ARID4B: variants seen among roughly 807,000 people sequenced by gnomAD.
The protein encoded by ARID4B is AT-rich interactive domain-containing protein 4B.
In ARID4B, 26 loss-of-function variants were observed where a neutral mutation model predicts 147.5. The observed-to-expected ratio is 0.18, with a 90% CI of 0.13 to 0.24. ARID4B has a LOEUF of 0.24. Among genes scored for constraint, ARID4B ranks in the 10% least tolerant of loss-of-function variants. The probability of loss-of-function intolerance (pLI) is 1.00; values close to 1 mark genes in which losing one functional copy is unlikely to be tolerated. For missense variants in ARID4B, 1,179 were observed against 1,511.5 expected (o/e 0.78, Z 3.65); for synonymous variants, 512 against 507.9 (o/e 1.01, Z -0.11).
At position 235,326,957 on chromosome 1, in the gene ARID4B, G is replaced by C; in HGVS notation, c.-38C>G. 6.2e-7 allele frequency: 1 copy of C among 1,612,262 alleles called. No individual in the cohort carries two copies. The highest frequency in any genetic ancestry group is 8.5e-7 in the Non-Finnish European group (1 of 1,178,516). ...ACCAAGGTATCCTCTAAAACACCAG[G>C]TTCAGCTGCACCTGGAGGGGAAACA... On this transcript the variant is annotated 5_prime_UTR_variant, in exon 2 of 24. Transcript: ENST00000264183.
chr1:235,257,885 G>T (rs989617403), intron 3 of ARID4B, among the ~76,000 whole-genome samples: 7 of 152,062 alleles, frequency 4.6e-5, no homozygotes, highest in Non-Finnish European at 7.4e-5. Flanking sequence ...AGGCTATTAG[G>T]TATTATATCA....
intron 2 of ARID4B, among the ~76,000 whole-genome samples, chr1:235,289,170 A>C (rs547369441): frequency 1.3e-5 from 2 of 152,376 alleles, no homozygotes; most frequent in East Asian, 3.9e-4. Context: ...AGCTAAATTC[A>C]AAGTGACATA....
intron 2 of ARID4B, among the ~76,000 whole-genome samples, chr1:235,291,214 T>C (rs906910621): frequency 2.6e-5 from 4 of 151,644 alleles, no homozygotes; most frequent in African/African-American, 9.7e-5. Context: ...GGCTAACACG[T>C]TGAAACCCCG....
At chr1:235,273,934 T>C (rs2103153718) in intron 2 of ARID4B, among the ~76,000 whole-genome samples, 1 of 152,208 alleles carries the variant, frequency 6.6e-6, no homozygotes, top group East Asian at 1.9e-4. Flanking sequence ...TACTGTGAAC[T>C]CCATCTCCGT....
intron 2 of ARID4B, among the ~76,000 whole-genome samples, chr1:235,320,579 T>A (rs1674750958): frequency 6.6e-6 from 1 of 152,306 alleles, no homozygotes; most frequent in East Asian, 1.9e-4. Context: ...AAAATGTTTA[T>A]CACATCACTT....
rs761878888 is a variant in ARID4B, at chr1:235,220,539, T to C, written c.1170A>G (p.Leu390=). ...YNVKCAYKKY[L]YGFEEYCRSA... Reference sequence around the variant, plus strand: ...ATCTACAGTACTCCTCAAAACCATATAAGTATCTGGAAACATGAAGAGAAA... The same window carrying C: ...ATCTACAGTACTCCTCAAAACCATACAAGTATCTGGAAACATGAAGAGAAA... The change falls in exon 15 of 24, where the codon TTA becomes TTG. Residue 390 remains leucine (L), a synonymous_variant. Coordinates refer to ENST00000264183, the MANE Select transcript of ARID4B (RefSeq NM_016374.6). 1.1e-5 allele frequency: 18 copies of C among 1,569,472 alleles called. No individual in the cohort carries two copies. Among genetic ancestry groups the C allele is most frequent in the Admixed American group, 1.9e-5 (1 of 51,478 alleles).
intron 17 of ARID4B, among the ~76,000 whole-genome samples, chr1:235,209,816 G>A (rs1344519848): frequency 6.6e-6 from 1 of 151,916 alleles, no homozygotes; most frequent in Non-Finnish European, 1.5e-5. Context: ...TGCCCGCCTC[G>A]GCCTCCCAAA....
At chr1:235,243,047 T>C (rs1669091043) in intron 7 of ARID4B, among the ~76,000 whole-genome samples, 1 of 152,154 alleles carries the variant, frequency 6.6e-6, no homozygotes. Context: ...TCTCCTCCCC[T>C]GAGAGAATGT....
At chr1:235,226,542 G>C (rs112900626) in intron 11 of ARID4B, among the ~76,000 whole-genome samples, 45 of 148,650 alleles carry the variant, frequency 3.0e-4, no homozygotes, top group Non-Finnish European at 5.2e-4. Flanking sequence ...TTTTTTTTTA[G>C]ATGGAGTCTG....
chr1:235,213,838 C>T lies in ARID4B; in HGVS notation c.1772G>A (p.Ser591Asn), dbSNP rs777187192. ...ACCTTCGACATCAGAATCTTTAATA[C>T]TAGCTTCATACATTTTTTGATTTTT... ...RGKNQKMYEA[S>N]IKDSDVEGGE... The change falls in exon 17 of 24, where the codon AGT becomes AAT. Residue 591 changes from serine (S) to asparagine (N), a missense_variant. Coordinates refer to ENST00000264183, the MANE Select transcript of ARID4B (RefSeq NM_016374.6). 6.2e-7 allele frequency: 1 copy of T among 1,614,118 alleles called. No homozygotes were observed. Among genetic ancestry groups the T allele is most frequent in the East Asian group, 2.2e-5 (1 of 44,878 alleles).
chr1:235,305,072 A>C (rs1428829869), intron 2 of ARID4B, among the ~76,000 whole-genome samples: 1 of 152,188 alleles, frequency 6.6e-6, no homozygotes, highest in Non-Finnish European at 1.5e-5. Flanking sequence ...TTGACCTTGA[A>C]AGGGGGAGAT....
chr1:235,241,546 G>A (rs554774958), intron 7 of ARID4B, among the ~76,000 whole-genome samples: 61 of 152,188 alleles, frequency 4.0e-4, no homozygotes, highest in African/African-American at 1.4e-3. Context: ...TTGAGGCGGA[G>A]TCTAGCTCTG....
rs1675326586 is a variant in ARID4B, at chr1:235,327,044, C to G, written c.-49-76G>C. 7 of 1,035,922 alleles carry G rather than the reference C, an allele frequency of 6.8e-6. No homozygotes were observed. The East Asian group carries it at 1.7e-4, about 26-fold the overall frequency. 64.2% of individuals were successfully genotyped at this position (1,035,922 alleles called of 1,614,324 possible). A position where few individuals can be genotyped will look rare whatever the true frequency, so the allele number is the denominator to read the frequency against. On this transcript the variant is annotated intron_variant, in intron 1 of 23. Transcript: ENST00000264183. ...ACTGGCGGAGGCGGAGGGAAAGAAG[C>G]GAGCGACGTCCGAACCCCGAAGAAA... is the stretch of plus-strand genomic sequence containing the variant.
chr1:235,236,838 A>ATATATATATATATATATATATATGTG (rs1572047936), intron 8 of ARID4B, among the ~76,000 whole-genome samples: 1 of 27,896 alleles, frequency 3.6e-5, no homozygotes, highest in Admixed American at 5.5e-4. Flanking sequence ...TAAAAAATAT[A>ATATATATATATATATATATATATGTG]TATATATATA....
intron 17 of ARID4B, among the ~76,000 whole-genome samples, chr1:235,201,298 G>A (rs904541290): frequency 7.2e-5 from 11 of 151,998 alleles, no homozygotes; most frequent in African/African-American, 2.2e-4. Context: ...ATTCATCCCC[G>A]AAAGTACATT....
intron 2 of ARID4B, among the ~76,000 whole-genome samples, chr1:235,274,693 C>T (rs1572132202): frequency 6.6e-6 from 1 of 152,134 alleles, no homozygotes; most frequent in Non-Finnish European, 1.5e-5. Flanking sequence ...TTGATATACA[C>T]TCACATAGAG....
chr1:235,296,097 T>C (rs1055890222), intron 2 of ARID4B: 5 of 172,318 alleles, frequency 2.9e-5, no homozygotes, highest in Non-Finnish European at 6.3e-5. Context: ...GCTTGACCAC[T>C]ATGCTATCAA....
At chr1:235,261,560 A>T (rs1192538914) in intron 2 of ARID4B, among the ~76,000 whole-genome samples, 1 of 152,134 alleles carries the variant, frequency 6.6e-6, no homozygotes, top group Non-Finnish European at 1.5e-5. Flanking sequence ...TATAGCATAC[A>T]AGGGAGAAAA....
chr1:235,238,985 TC>T (rs1668806621), intron 8 of ARID4B, among the ~76,000 whole-genome samples: 1 of 129,590 alleles, frequency 7.7e-6, no homozygotes, highest in Non-Finnish European at 1.6e-5. Flanking sequence ...TTTTTTTTCT[TC>T]TTTTTTTTTT....
Sources: gnomAD v4.1 joint callset for allele counts (sites outside exome capture counted in the v4.1 genomes callset) on GRCh38, gnomAD v4.1.1 for gene constraint, MANE v1.5 for transcripts, NCBI Gene and HGNC (gene_info 2026-07-23, HGNC 2026-07-21) for gene names.